The following SHPRH variants were observed in gnomAD, a reference collection of about 807,000 sequenced individuals.
SHPRH encodes the protein SNF2 histone linker PHD RING helicase.
In SHPRH, 106 loss-of-function variants were observed where a neutral mutation model predicts 202.5. That is an observed-to-expected ratio of 0.52 (90% CI 0.45 to 0.62). The LOEUF (loss-of-function observed/expected upper bound fraction) is 0.62. Among genes scored for constraint, SHPRH ranks in the 20% least tolerant of loss-of-function variants. The probability of loss-of-function intolerance (pLI) is 0.00; values close to 1 mark genes in which losing one functional copy is unlikely to be tolerated. For missense variants in SHPRH, 1,710 were observed against 2,020.0 expected (o/e 0.85, Z 2.94); for synonymous variants, 729 against 686.0 (o/e 1.06, Z -0.98).
intron 14 of SHPRH, among the ~76,000 whole-genome samples, chr6:145,928,159 C>A (rs1328376898): frequency 1.3e-5 from 2 of 151,948 alleles, no homozygotes; most frequent in South Asian, 2.1e-4. Context: ...TGTTGTACTA[C>A]AACAGCCAAG....
rs80058347 is a variant in SHPRH at position 145,869,261 on chromosome 6, G to A, written c.222-4770C>T. Among the ~76,000 whole-genome samples, 127 of 152,214 alleles carry A rather than the reference G, an allele frequency of 8.3e-4. 2 individuals are homozygous for A. In the East Asian group the frequency reaches 0.021, roughly 26 times the overall value. On this transcript the variant is annotated intron_variant, in intron 2 of 2. Coordinates refer to the SHPRH transcript ENST00000417762. Reference sequence around the variant, plus strand: ...TGGATAACAGTTCCTTATCAGATATGCGTTTTGAAAATATTTTCTCCCATT... The same window carrying A: ...TGGATAACAGTTCCTTATCAGATATACGTTTTGAAAATATTTTCTCCCATT...
At chr6:145,873,937 G>A (rs926072035) in intron 2 of SHPRH, among the ~76,000 whole-genome samples, 7 of 151,824 alleles carry the variant, frequency 4.6e-5, no homozygotes, top group Admixed American at 3.9e-4. Context: ...AGTGGCTCAC[G>A]CCTGTAATCC....
At chr6:145,913,604 G>C (rs1783689369) in intron 23 of SHPRH, 55 bp from the exon 24 acceptor site, 2 of 1,446,626 alleles carry the variant, frequency 1.4e-6, no homozygotes, top group South Asian at 1.3e-5. Context: ...TATAAAACCT[G>C]ATATATGTTT....
intron 20 of SHPRH, among the ~76,000 whole-genome samples, chr6:145,921,966 A>G (rs1784466988): frequency 6.6e-6 from 1 of 152,044 alleles, no homozygotes; most frequent in Non-Finnish European, 1.5e-5. Flanking sequence ...TATGAGTTCT[A>G]CCTTGAATAG....
At chr6:145,859,770 T>C (rs1779522683), downstream of SHPRH, among the ~76,000 whole-genome samples, 1 of 152,000 alleles carries the variant, frequency 6.6e-6, no homozygotes, top group Non-Finnish European at 1.5e-5. Context: ...TTGTGGGCTG[T>C]AGATACCATA....
chr6:145,899,104 G>A (rs1238206532), intron 25 of SHPRH, among the ~76,000 whole-genome samples: 1 of 152,066 alleles, frequency 6.6e-6, no homozygotes, highest in African/African-American at 2.4e-5. Context: ...ATGAGTCACT[G>A]CATCTGGCCG....
intron 13 of SHPRH, among the ~76,000 whole-genome samples, chr6:145,933,570 G>A (rs1402213333): frequency 6.6e-6 from 1 of 152,064 alleles, no homozygotes; most frequent in African/African-American, 2.4e-5. Flanking sequence ...ATCCTCTAAG[G>A]TTAAATGCCA....
chr6:145,937,400 T>C (rs560086394), intron 11 of SHPRH, among the ~76,000 whole-genome samples: 1 of 152,284 alleles, frequency 6.6e-6, no homozygotes, highest in East Asian at 1.9e-4. Context: ...CTTATCCACT[T>C]TTTTCTGTTA....
chr6:145,952,596 C>T (rs1490063358), intron 2 of SHPRH, 118 bp from the exon 3 acceptor site: 42 of 896,432 alleles, frequency 4.7e-5, no homozygotes, highest in Non-Finnish European at 6.2e-5. Context: ...GCATGTGTGA[C>T]ACAAACAATA....
At chr6:145,956,833 T>C (rs1788558216) in intron 1 of SHPRH, among the ~76,000 whole-genome samples, 2 of 152,158 alleles carry the variant, frequency 1.3e-5, no homozygotes, top group Admixed American at 1.3e-4. Context: ...TTCTTAGTAC[T>C]GACCTATAGA....
intron 8 of SHPRH, among the ~76,000 whole-genome samples, chr6:145,945,112 C>T (rs1055844661): frequency 1.3e-5 from 2 of 152,036 alleles, no homozygotes; most frequent in Non-Finnish European, 2.9e-5. Flanking sequence ...TACGCTTAGC[C>T]AACTAGTTTT....
chr6:145,892,560 GT>G (rs200288886), intron 28 of SHPRH, among the ~76,000 whole-genome samples: 6 of 149,860 alleles, frequency 4.0e-5, no homozygotes, highest in Non-Finnish European at 8.9e-5. Context: ...TTATGGATGT[GT>G]TTTTTTTTCC....
At chr6:145,929,722 G>A (rs2128759107) in intron 14 of SHPRH, among the ~76,000 whole-genome samples, 1 of 152,054 alleles carries the variant, frequency 6.6e-6, no homozygotes, top group South Asian at 2.1e-4. Context: ...GACTTTCTAG[G>A]GAATGCCCTA....
intron 29 of SHPRH, among the ~76,000 whole-genome samples, chr6:145,887,476 GTC>G (rs1286094743): frequency 6.6e-6 from 1 of 150,670 alleles, no homozygotes; most frequent in Non-Finnish European, 1.5e-5. Context: ...GACTGGTTTA[GTC>G]TCTCTGCTTT....
At chr6:145,890,101 T>G in intron 28 of SHPRH, among the ~76,000 whole-genome samples, 1 of 152,298 alleles carries the variant, frequency 6.6e-6, no homozygotes, top group Middle Eastern at 3.4e-3. Flanking sequence ...AAACCTCTCT[T>G]GATCTCATTC....
chr6:145,919,210 TATGGGTC>T, intron 22 of SHPRH, 131 bp downstream of exon 22: 1 of 1,270,752 alleles, frequency 7.9e-7, no homozygotes, highest in Non-Finnish European at 1.1e-6. Context: ...GACAATTTTC[TATGGGTC>T]AAATTAAAAA....
At chr6:145,892,318 C>CGA (rs1205182696) in intron 28 of SHPRH, among the ~76,000 whole-genome samples, 2 of 152,158 alleles carry the variant, frequency 1.3e-5, no homozygotes, top group African/African-American at 4.8e-5. Flanking sequence ...ACCATAAAGT[C>CGA]TTTCCTGACT....
intron 25 of SHPRH, chr6:145,904,554 A>G (rs545001402): frequency 2.0e-5 from 3 of 152,360 alleles, no homozygotes; most frequent in Non-Finnish European, 4.4e-5. Flanking sequence ...TCAAGGAGGA[A>G]GTGACAGACA....
chr6:145,960,395 G>A (rs892874451), intron 1 of SHPRH, among the ~76,000 whole-genome samples: 1 of 152,144 alleles, frequency 6.6e-6, no homozygotes, highest in South Asian at 2.1e-4. Context: ...GATATGGGGG[G>A]TGGAAGGGTA....
Sources: gnomAD v4.1 joint callset for allele counts (sites outside exome capture counted in the v4.1 genomes callset) on GRCh38, gnomAD v4.1.1 for gene constraint, MANE v1.5 for transcripts, NCBI Gene and HGNC (gene_info 2026-07-23, HGNC 2026-07-21) for gene names.